LRFN2: variants seen among roughly 807,000 people sequenced by gnomAD.
LRFN2 encodes leucine-rich repeat and fibronectin type-III domain-containing protein 2.
A neutral mutation model predicts 37.3 loss-of-function variants in LRFN2; 18 were observed. The observed-to-expected ratio is 0.48, with a 90% CI of 0.33 to 0.72. The LOEUF (loss-of-function observed/expected upper bound fraction) is 0.72, where lower values mean the gene tolerates loss of function less well. LRFN2 is among the 30% of genes least tolerant of loss of function. The pLI, the probability that LRFN2 is intolerant of heterozygous loss-of-function variation, is 0.02. For missense variants in LRFN2, 1,006 were observed against 1,060.7 expected (o/e 0.95, Z 0.72); for synonymous variants, 556 against 466.6 (o/e 1.19, Z -2.47).
intron 2 of LRFN2, among the ~76,000 whole-genome samples, chr6:40,398,430 T>C (rs1762660240): frequency 6.6e-6 from 1 of 151,846 alleles, no homozygotes; most frequent in Non-Finnish European, 1.5e-5. Flanking sequence ...CTGCTCTGCA[T>C]GGCTGAACCA....
At chr6:40,562,869 ACT>A (rs1554144912) in intron 1 of LRFN2, among the ~76,000 whole-genome samples, 2 of 147,760 alleles carry the variant, frequency 1.4e-5, no homozygotes, top group Admixed American at 1.3e-4. Context: ...ACACACACAC[ACT>A]CTATTATCCC....
chr6:40,547,103 A>AACT (rs1766677130), intron 1 of LRFN2, among the ~76,000 whole-genome samples: 1 of 141,256 alleles, frequency 7.1e-6, no homozygotes. Flanking sequence ...AATAATGCAA[A>AACT]TCTTTTTTTT....
Position 40,555,203 on chromosome 6 carries a change from G to A in LRFN2, c.-19+31738C>T, listed in dbSNP as rs528076347. On this transcript the variant is annotated intron_variant, in intron 1 of 2. Transcript: ENST00000338305. ...CAAGGGCAAGCTGTGAGGAGATGGG[G>A]AGGAACCTTGGCTCCTGCCCACTGC... is the stretch of plus-strand genomic sequence containing the variant. Among the ~76,000 whole-genome samples, 5 of 152,328 alleles carry A rather than the reference G, an allele frequency of 3.3e-5. No individual in the cohort carries two copies. In the East Asian group the frequency reaches 9.7e-4, roughly 30 times the overall value.
intron 1 of LRFN2, among the ~76,000 whole-genome samples, chr6:40,540,196 G>A (rs73732706): frequency 0.02 from 2,994 of 152,290 alleles, 112 homozygotes; most frequent in African/African-American, 0.067. Flanking sequence ...TGTCAGGTGC[G>A]TGCGGGGAAA....
intron 2 of LRFN2, among the ~76,000 whole-genome samples, chr6:40,394,956 T>C (rs1477131230): frequency 3.0e-4 from 1 of 3,322 alleles, no homozygotes; most frequent in African/African-American, 1.4e-3. Flanking sequence ...TTCTTTTCCT[T>C]TTTTTTTTTT....
intron 1 of LRFN2, among the ~76,000 whole-genome samples, chr6:40,559,307 C>T (rs1017327692): frequency 2.0e-5 from 3 of 152,190 alleles, no homozygotes; most frequent in South Asian, 2.1e-4. Flanking sequence ...CATTACCACA[C>T]TGAGATACTC....
intron 1 of LRFN2, among the ~76,000 whole-genome samples, chr6:40,524,836 C>T (rs1049373851): frequency 1.3e-5 from 2 of 152,180 alleles, no homozygotes; most frequent in African/African-American, 4.8e-5. Context: ...GACCTCCAAC[C>T]CTTGCCTCAG....
chr6:40,478,291 C>T (rs1170602561), intron 1 of LRFN2, among the ~76,000 whole-genome samples: 1 of 152,084 alleles, frequency 6.6e-6, no homozygotes, highest in East Asian at 1.9e-4. Context: ...TATTATTGGC[C>T]CATTTTACAA....
intron 1 of LRFN2, among the ~76,000 whole-genome samples, chr6:40,583,618 G>A (rs1767445828): frequency 1.3e-5 from 2 of 152,202 alleles, no homozygotes; most frequent in African/African-American, 2.4e-5. Context: ...ACAAAGTGCA[G>A]TCACACATGC....
At chr6:40,561,913 T>G (rs1042400838) in intron 1 of LRFN2, among the ~76,000 whole-genome samples, 1 of 151,990 alleles carries the variant, frequency 6.6e-6, no homozygotes, top group African/African-American at 2.4e-5. Flanking sequence ...CCCTCCACCA[T>G]GATGACCAGG....
intron 1 of LRFN2, among the ~76,000 whole-genome samples, chr6:40,509,663 G>T (rs1046879385): frequency 6.7e-6 from 1 of 150,168 alleles, no homozygotes; most frequent in East Asian, 2.0e-4. Context: ...ACAGGACTGC[G>T]CAGGCAGTGG....
chr6:40,512,058 T>A (rs1313958044), intron 1 of LRFN2, among the ~76,000 whole-genome samples: 1 of 152,184 alleles, frequency 6.6e-6, no homozygotes, highest in South Asian at 2.1e-4. Context: ...AGCCAGACTT[T>A]TGGACGCTTA....
chr6:40,536,472 A>G (rs1031816316), intron 1 of LRFN2, among the ~76,000 whole-genome samples: 11 of 152,212 alleles, frequency 7.2e-5, no homozygotes, highest in Non-Finnish European at 1.5e-4. Context: ...ATGACAGCAA[A>G]TGAAGGTCTG....
intron 1 of LRFN2, among the ~76,000 whole-genome samples, chr6:40,572,973 G>C (rs190005339): frequency 6.6e-6 from 1 of 152,336 alleles, no homozygotes; most frequent in East Asian, 1.9e-4. Context: ...CAAACCTGCT[G>C]CCTGCATAGC....
chr6:40,415,210 T>TTTTTGTTTTGTTTTG lies in LRFN2; in HGVS notation c.1400+16489_1400+16503dup, dbSNP rs5875718. Among the ~76,000 whole-genome samples the TTTTTGTTTTGTTTTG allele has an allele frequency of 3.0e-3, 448 of 150,160 alleles. 2 individuals are homozygous for TTTTTGTTTTGTTTTG. The highest frequency in any genetic ancestry group is 6.7e-3 in the Admixed American group (101 of 15,076). The stretch of plus-strand genomic sequence containing the variant: ...CTGATTGAGCTCCTACTTTTACTTG[T>TTTTTGTTTTGTTTTG]TTTTGTTTTGTTTTGTTTTGTTTTG... On this transcript the variant is annotated intron_variant, in intron 2 of 2. Transcript: ENST00000338305.
intron 1 of LRFN2, among the ~76,000 whole-genome samples, chr6:40,508,606 ACTC>A (rs1765607468): frequency 6.6e-6 from 1 of 152,060 alleles, no homozygotes; most frequent in South Asian, 2.1e-4. Flanking sequence ...AAGGTACTTT[ACTC>A]CTCCATGCCT....
chr6:40,442,164 C>T (rs1339828594), intron 1 of LRFN2, among the ~76,000 whole-genome samples: 1 of 152,190 alleles, frequency 6.6e-6, no homozygotes, highest in Non-Finnish European at 1.5e-5. Context: ...CATCCAGGAG[C>T]AACTTCAGTG....
At chr6:40,400,759 AG>A (rs1421545423) in intron 2 of LRFN2, among the ~76,000 whole-genome samples, 1 of 151,740 alleles carries the variant, frequency 6.6e-6, no homozygotes, top group South Asian at 2.1e-4. Context: ...GCTTACTGCA[AG>A]GGCTCCTGAA....
chr6:40,444,970 C>A (rs940768428), intron 1 of LRFN2, among the ~76,000 whole-genome samples: 7 of 151,868 alleles, frequency 4.6e-5, no homozygotes, highest in Non-Finnish European at 1.0e-4. Flanking sequence ...TGGAACATTG[C>A]AGTCAAGCCC....
Sources: gnomAD v4.1 joint callset for allele counts (sites outside exome capture counted in the v4.1 genomes callset) on GRCh38, gnomAD v4.1.1 for gene constraint, MANE v1.5 for transcripts, NCBI Gene and HGNC (gene_info 2026-07-23, HGNC 2026-07-21) for gene names.